PROSER2: variants seen among roughly 807,000 people sequenced by gnomAD.
PROSER2 encodes the protein proline and serine rich 2.
A neutral mutation model predicts 14.6 loss-of-function variants in PROSER2; 18 were observed. The observed-to-expected ratio is 1.23, with a 90% CI of 0.85 to 1.83. The LOEUF is 1.83. Among genes scored for constraint, PROSER2 ranks in the 40% most tolerant of loss-of-function variants. The pLI, the probability that PROSER2 is intolerant of heterozygous loss-of-function variation, is 0.00. For synonymous variants in PROSER2, 367 were observed against 286.4 expected (o/e 1.28, Z -2.84); for missense variants, 823 against 629.8 (o/e 1.31, Z -3.28).
intron 1 of PROSER2, among the ~76,000 whole-genome samples, chr10:11,825,535 C>T (rs1313712790): frequency 6.6e-6 from 1 of 152,200 alleles, no homozygotes. Flanking sequence ...ATAGGAAAGC[C>T]TGTGTTCATG....
chr10:11,859,358 C>T (rs1176465034), intron 2 of PROSER2, among the ~76,000 whole-genome samples: 1 of 151,496 alleles, frequency 6.6e-6, no homozygotes, highest in Non-Finnish European at 1.5e-5. Flanking sequence ...AACCAGGAGG[C>T]GGAGGTTGCA....
Position 11,836,117 on chromosome 10 carries a change from G to A in PROSER2, c.-82+12647G>A, listed in dbSNP as rs933065990. ...CACGATCTTGGCTCACTGCAACCTC[G>A]GCCTTCTGGGTTCAAGCGATTCTCC... On this transcript the variant is annotated intron_variant, in intron 1 of 3. Coordinates refer to ENST00000277570, the MANE Select transcript of PROSER2 (RefSeq NM_153256.4). The surrounding 1 kb of genome is among the most constrained non-coding windows in gnomAD (Gnocchi z 4.6). Among the ~76,000 whole-genome samples, 1 of 151,912 alleles carries A rather than the reference G, an allele frequency of 6.6e-6. No homozygotes were observed. The highest frequency in any genetic ancestry group is 6.6e-5 in the Admixed American group (1 of 15,248).
At chr10:11,846,034 T>C (rs1833919589) in intron 1 of PROSER2, among the ~76,000 whole-genome samples, 1 of 152,226 alleles carries the variant, frequency 6.6e-6, no homozygotes, top group African/African-American at 2.4e-5. Flanking sequence ...TTGCCCAGGC[T>C]GGAGTGCAGT....
At chr10:11,857,912 T>C (rs2131079582) in intron 2 of PROSER2, among the ~76,000 whole-genome samples, 1 of 152,270 alleles carries the variant, frequency 6.6e-6, no homozygotes, top group South Asian at 2.1e-4. Flanking sequence ...ACAATTGTCT[T>C]AGTCTGCAGT....
rs901180026 is a variant in PROSER2 at position 11,862,633 on chromosome 10, G to A, written c.139-3898G>A. On this transcript the variant is annotated intron_variant, in intron 2 of 3. Transcript: ENST00000277570. This position sits in a 1 kb window ranked among gnomAD's most constrained non-coding sequence, Gnocchi z 4.2. ...CACTTGAGCTGGGGAGACCTAGGCT[G>A]CAATGAGCTGTGATTGTACCACTGC... is the stretch of plus-strand genomic sequence containing the variant. Among the ~76,000 whole-genome samples, 5 of 152,186 alleles carry A rather than the reference G, an allele frequency of 3.3e-5. No homozygotes were observed. The highest frequency in any genetic ancestry group is 7.2e-5 in the African/African-American group (3 of 41,446).
At chr10:11,857,501 T>TG (rs1452762502) in intron 2 of PROSER2, 2 of 152,260 alleles carry the variant, frequency 1.3e-5, no homozygotes, top group East Asian at 3.9e-4. Context: ...TCCCAGCACT[T>TG]TGGGAGGCCC....
At position 11,866,643 on chromosome 10, in the gene PROSER2, G is replaced by A. The variant is rs1834353684; in HGVS notation, c.251G>A (p.Gly84Glu). ...EDFEEPVLCD[G>E]GVCCLCSPSL... ...TTTGAGGAGCCAGTGCTGTGCGATG[G>A]AGGAGTGTGCTGCCTCTGCTCCCCG... The change falls in exon 3 of 4, where the codon GGA (glycine) becomes GAA (glutamate). Residue 84 changes from glycine to glutamate, a missense_variant. Coordinates refer to ENST00000277570, the MANE Select transcript of PROSER2 (RefSeq NM_153256.4). The surrounding 1 kb of genome is among the most constrained non-coding windows in gnomAD (Gnocchi z 6.0). 1 of 1,614,202 alleles carries A rather than the reference G, an allele frequency of 6.2e-7. No individual in the cohort carries two copies. The highest frequency in any genetic ancestry group is 8.5e-7 in the Non-Finnish European group (1 of 1,180,032).
intron 1 of PROSER2, among the ~76,000 whole-genome samples, chr10:11,829,779 A>G (rs1190333206): frequency 6.6e-6 from 1 of 151,824 alleles, no homozygotes; most frequent in African/African-American, 2.4e-5. Context: ...AGATGGCACT[A>G]AAATGTGCAT....
chr10:11,862,740 G>A lies in PROSER2; in HGVS notation c.139-3791G>A, dbSNP rs894598713. The A allele has an allele frequency of 6.6e-6, 1 of 152,052 alleles. No homozygotes were observed. The highest frequency in any genetic ancestry group is 2.4e-5 in the African/African-American group (1 of 41,392). 9.4% of individuals were successfully genotyped at this position (152,052 alleles called of 1,614,324 possible). A position where few individuals can be genotyped will look rare whatever the true frequency, so the allele number is the denominator to read the frequency against. ...ATACAAAACATCAATATTTCATTAT[G>A]TATATGCAAATATTTCAAAATGTGA... On this transcript the variant is annotated intron_variant, in intron 2 of 3. Coordinates refer to ENST00000277570, the MANE Select transcript of PROSER2 (RefSeq NM_153256.4). The surrounding 1 kb of genome is among the most constrained non-coding windows in gnomAD (Gnocchi z 4.2).
At position 11,870,009 on chromosome 10, in the gene PROSER2, AG is replaced by A. The variant is rs1474543121; in HGVS notation, c.916del (p.Ala306ProfsTer47). 11 of 1,242,016 alleles carry A rather than the reference AG, an allele frequency of 8.9e-6. No individual in the cohort carries two copies. The highest frequency in any genetic ancestry group is 3.1e-5 in the South Asian group (1 of 32,028). The allele number at this position is 1,242,016 out of a possible 1,614,324, so 76.9% of individuals were successfully genotyped here. A position where few individuals can be genotyped will look rare whatever the true frequency, so the allele number is the denominator to read the frequency against. The stretch of plus-strand genomic sequence containing the variant: ...TTCCCCGCCGCGGGGGACGCCGGCG[AG>A]GGGGCCCCAGGGGGCGGCTCCTCCC... Reference protein sequence around the residue: ...GAFPAAGDAGEGAPGGGSSPE... With the variant: ...GAFPAAGDAGXGAPGGGSSPE... On this transcript the variant is annotated frameshift_variant, in exon 4 of 4. Transcript: ENST00000277570. LOFTEE classifies it low-confidence loss of function (END_TRUNC).
rs1004029336 is a variant in PROSER2, at chr10:11,870,514, G to A, written c.*108G>A. ...GTCTAAAATGGAAGTGACAGCGGGA[G>A]CCCCTGCCCTCTGTGGCACATCGGA... On this transcript the variant is annotated 3_prime_UTR_variant, in exon 4 of 4. Coordinates refer to ENST00000277570, the MANE Select transcript of PROSER2 (RefSeq NM_153256.4). 1 of 980,548 alleles carries A rather than the reference G, an allele frequency of 1.0e-6. No individual in the cohort carries two copies. The highest frequency in any genetic ancestry group is 1.4e-6 in the Non-Finnish European group (1 of 709,080). The allele number at this position is 980,548 out of a possible 1,614,324, so 60.7% of individuals were successfully genotyped here.
chr10:11,841,494 T>G (rs1041969669), intron 1 of PROSER2, among the ~76,000 whole-genome samples: 2 of 152,238 alleles, frequency 1.3e-5, no homozygotes, highest in Middle Eastern at 3.2e-3. Context: ...TTAAGTTAGA[T>G]GCTTGGTTCA....
chr10:11,861,660 G>GC (rs776739187), intron 2 of PROSER2, among the ~76,000 whole-genome samples: 3 of 152,172 alleles, frequency 2.0e-5, no homozygotes, highest in South Asian at 2.1e-4. Flanking sequence ...GCCCGTAGCT[G>GC]CCCCCACTCC....
rs763810742 is a variant in PROSER2, at chr10:11,862,539, T to C, written c.139-3992T>C. Reference sequence around the variant, plus strand: ...AGACTTTGTCTCTACAAAAAATATATAAAAATTAGCTGGGTATGGTAGTGT... The same window carrying C: ...AGACTTTGTCTCTACAAAAAATATACAAAAATTAGCTGGGTATGGTAGTGT... On this transcript the variant is annotated intron_variant, in intron 2 of 3. Transcript: ENST00000277570. This position sits in a 1 kb window ranked among gnomAD's most constrained non-coding sequence, Gnocchi z 4.2. 6.6e-6 allele frequency among the ~76,000 whole-genome samples: 1 copy of C among 151,894 alleles called. No individual in the cohort carries two copies. Among genetic ancestry groups the C allele is most frequent in the Non-Finnish European group, 1.5e-5 (1 of 67,978 alleles).
At chr10:11,847,633 G>A (rs758949888) in intron 1 of PROSER2, among the ~76,000 whole-genome samples, 5 of 152,116 alleles carry the variant, frequency 3.3e-5, no homozygotes, top group Non-Finnish European at 7.3e-5. Context: ...TGGCCAGGCT[G>A]GTCTCAAACT....
chr10:11,834,785 A>G (rs1300596848), intron 1 of PROSER2, among the ~76,000 whole-genome samples: 2 of 152,004 alleles, frequency 1.3e-5, no homozygotes, highest in African/African-American at 4.8e-5. Flanking sequence ...TGTGGTATCA[A>G]GAGTAAACTG....
At chr10:11,841,667 T>A (rs969145307) in intron 1 of PROSER2, among the ~76,000 whole-genome samples, 1 of 152,226 alleles carries the variant, frequency 6.6e-6, no homozygotes, top group Admixed American at 6.5e-5. Context: ...TCCTAGTGCC[T>A]ACACACATGG....
chr10:11,830,215 T>G lies in PROSER2; in HGVS notation c.-82+6745T>G, dbSNP rs993209801. On this transcript the variant is annotated intron_variant, in intron 1 of 3. Transcript: ENST00000277570. This position sits in a 1 kb window ranked among gnomAD's most constrained non-coding sequence, Gnocchi z 4.5. ...CACCTTTTGGAGTCTCCCGTGTCCA[T>G]TATTTCACTCTGTGCATTTATGTGG... Among the ~76,000 whole-genome samples, 7 of 152,172 alleles carry G rather than the reference T, an allele frequency of 4.6e-5. No homozygotes were observed. The highest frequency in any genetic ancestry group is 3.3e-4 in the Admixed American group (5 of 15,270).
Position 11,869,376 on chromosome 10 carries a change from G to T in PROSER2, c.392-114G>T. On this transcript the variant is annotated intron_variant, in intron 3 of 3. Coordinates refer to ENST00000277570, the MANE Select transcript of PROSER2 (RefSeq NM_153256.4). This position sits in a 1 kb window ranked among gnomAD's most constrained non-coding sequence, Gnocchi z 4.4. ...GAGGAGTTGACTCACAGGCAGCACCGGCGAAGTTGGTGTCAGGTCCAGGTT... is the reference window on the plus strand; with the variant it reads ...GAGGAGTTGACTCACAGGCAGCACCTGCGAAGTTGGTGTCAGGTCCAGGTT... 1.4e-6 allele frequency: 1 copy of T among 726,390 alleles called. No individual in the cohort carries two copies. The highest frequency in any genetic ancestry group is 1.7e-5 in the South Asian group (1 of 58,974). 45.0% of individuals were successfully genotyped at this position (726,390 alleles called of 1,614,324 possible). A position where few individuals can be genotyped will look rare whatever the true frequency, so the allele number is the denominator to read the frequency against.
Sources: gnomAD v4.1 joint callset for allele counts (sites outside exome capture counted in the v4.1 genomes callset) on GRCh38, gnomAD v4.1.1 for gene constraint, Gnocchi (gnomAD v3.1) non-coding constraint, MANE v1.5 for transcripts, NCBI Gene and HGNC (gene_info 2026-07-23, HGNC 2026-07-21) for gene names.